The following XKR4 variants were observed in gnomAD, a reference collection of about 807,000 sequenced individuals.
XKR4 encodes XK related 4, also known as XK-related protein 4.
XKR4 carries 12 observed loss-of-function variants against 53.9 expected under a neutral mutation model. The observed-to-expected ratio is 0.22, with a 90% CI of 0.14 to 0.36. The LOEUF is 0.36. Ranked by LOEUF, XKR4 falls within the 10% of genes least tolerant of loss-of-function variation. The pLI is 1.00. For missense variants in XKR4, 799 were observed against 859.5 expected (o/e 0.93, Z 0.88); for synonymous variants, 354 against 362.4 (o/e 0.98, Z 0.26).
At chr8:55,405,321 G>T (rs1804666476) in intron 2 of XKR4, among the ~76,000 whole-genome samples, 1 of 152,206 alleles carries the variant, frequency 6.6e-6, no homozygotes, top group African/African-American at 2.4e-5. Context: ...AGACAGGAGA[G>T]CTGCTACCCA....
At chr8:55,344,289 TA>T (rs1270273216) in intron 1 of XKR4, among the ~76,000 whole-genome samples, 3 of 152,226 alleles carry the variant, frequency 2.0e-5, no homozygotes, top group African/African-American at 4.8e-5. Flanking sequence ...GCTGTGACTT[TA>T]AAAAGAATGA....
chr8:55,520,736 T>C (rs942205005), intron 2 of XKR4, among the ~76,000 whole-genome samples: 2 of 152,222 alleles, frequency 1.3e-5, no homozygotes, highest in African/African-American at 4.8e-5. Context: ...ATAGAAAGCC[T>C]TCATTTTTCT....
intron 1 of XKR4, among the ~76,000 whole-genome samples, chr8:55,279,983 T>C (rs1324887128): frequency 6.6e-6 from 1 of 152,212 alleles, no homozygotes; most frequent in Non-Finnish European, 1.5e-5. Flanking sequence ...CTCGAAGAGA[T>C]ACACCAAATT....
At chr8:55,507,227 CA>C (rs1308361880) in intron 2 of XKR4, among the ~76,000 whole-genome samples, 4 of 152,128 alleles carry the variant, frequency 2.6e-5, no homozygotes, top group Non-Finnish European at 4.4e-5. Flanking sequence ...TGTATAAACC[CA>C]GAGTTTTTAT....
intron 2 of XKR4, among the ~76,000 whole-genome samples, chr8:55,462,499 G>A (rs1184322030): frequency 7.2e-5 from 11 of 152,102 alleles, no homozygotes; most frequent in Admixed American, 2.6e-4. Flanking sequence ...AGGAACAACC[G>A]GTACCAGCCA....
chr8:55,400,371 A>T (rs1192143383), intron 2 of XKR4, among the ~76,000 whole-genome samples: 3 of 152,042 alleles, frequency 2.0e-5, no homozygotes, highest in Non-Finnish European at 4.4e-5. Flanking sequence ...AGATCTACAT[A>T]CCCATACCTC....
chr8:55,148,664 G>T (rs1306671448), intron 1 of XKR4, among the ~76,000 whole-genome samples: 1 of 151,910 alleles, frequency 6.6e-6, no homozygotes. Context: ...ATTACTTTAG[G>T]ATTATAATTT....
Position 55,524,335 on chromosome 8 carries a change from T to C in XKR4, c.*108T>C. ...GCAGGGCAGTGAGCCGTGAAGTTCC[T>C]AGTGGGACCGTCATCACCATTATCA... On this transcript the variant is annotated 3_prime_UTR_variant, in exon 3 of 3. Coordinates refer to ENST00000327381, the MANE Select transcript of XKR4 (RefSeq NM_052898.2). 3 of 1,100,130 alleles carry C rather than the reference T, an allele frequency of 2.7e-6. 1 individual carries two copies. The highest frequency in any genetic ancestry group is 2.5e-5 in the East Asian group (1 of 39,368). 68.1% of individuals were successfully genotyped at this position (1,100,130 alleles called of 1,614,324 possible).
intron 1 of XKR4, among the ~76,000 whole-genome samples, chr8:55,292,297 C>A (rs183302863): frequency 6.6e-6 from 1 of 152,016 alleles, no homozygotes; most frequent in Admixed American, 6.5e-5. Context: ...GAGATTTTTG[C>A]GGGGAGAGTC....
intron 1 of XKR4, among the ~76,000 whole-genome samples, chr8:55,110,518 C>T (rs1333136850): frequency 6.6e-6 from 1 of 152,250 alleles, no homozygotes; most frequent in South Asian, 2.1e-4. Flanking sequence ...CTCTGAGATT[C>T]TAATGGTGTG....
intron 1 of XKR4, among the ~76,000 whole-genome samples, chr8:55,327,988 G>T (rs1403896825): frequency 6.6e-6 from 1 of 151,592 alleles, no homozygotes; most frequent in Non-Finnish European, 1.5e-5. Context: ...ACATTCTTAT[G>T]GTTATTTGTA....
intron 2 of XKR4, among the ~76,000 whole-genome samples, chr8:55,498,172 A>G (rs544298119): frequency 6.6e-6 from 1 of 152,276 alleles, no homozygotes; most frequent in African/African-American, 2.4e-5. Context: ...GGGACCACAC[A>G]CCTCAGCCTC....
chr8:55,331,455 A>G (rs779222239), intron 1 of XKR4, among the ~76,000 whole-genome samples: 2 of 152,114 alleles, frequency 1.3e-5, no homozygotes, highest in Non-Finnish European at 2.9e-5. Context: ...CAATAGATGT[A>G]TTTCAGTCTA....
intron 1 of XKR4, among the ~76,000 whole-genome samples, chr8:55,290,237 C>G (rs1281532240): frequency 1.3e-5 from 2 of 149,658 alleles, no homozygotes; most frequent in African/African-American, 4.9e-5. Context: ...TCAATTGATT[C>G]TCTTGCCTCA....
intron 1 of XKR4, among the ~76,000 whole-genome samples, chr8:55,194,550 A>G (rs1350176482): frequency 1.3e-5 from 2 of 152,242 alleles, no homozygotes; most frequent in Admixed American, 1.3e-4. Context: ...TCAAACAGGT[A>G]TAAATATACC....
intron 1 of XKR4, among the ~76,000 whole-genome samples, chr8:55,340,576 A>G (rs1803529306): frequency 6.6e-6 from 1 of 152,206 alleles, no homozygotes; most frequent in African/African-American, 2.4e-5. Context: ...CAGTGATCCC[A>G]AAGGCCAGCT....
At chr8:55,183,081 T>C (rs1378472405) in intron 1 of XKR4, among the ~76,000 whole-genome samples, 1 of 152,128 alleles carries the variant, frequency 6.6e-6, no homozygotes, top group Admixed American at 6.5e-5. Flanking sequence ...TTTTAATGTC[T>C]ATGGGGTTAA....
chr8:55,275,230 T>C (rs942655712), intron 1 of XKR4, among the ~76,000 whole-genome samples: 2 of 152,132 alleles, frequency 1.3e-5, no homozygotes, highest in African/African-American at 4.8e-5. Flanking sequence ...CTAATAATGG[T>C]TTTTAAAGCA....
intron 2 of XKR4, chr8:55,452,888 C>T: frequency 1.3e-6 from 1 of 782,574 alleles, no homozygotes; most frequent in South Asian, 1.3e-5. Context: ...GGAGGTAGCT[C>T]ACGCAGTTGG....
Sources: gnomAD v4.1 joint callset for allele counts (sites outside exome capture counted in the v4.1 genomes callset) on GRCh38, gnomAD v4.1.1 for gene constraint, MANE v1.5 for transcripts, NCBI Gene and HGNC (gene_info 2026-07-23, HGNC 2026-07-21) for gene names.